Variants in BABAM2 observed in about 807,000 individuals in gnomAD.
The protein encoded by BABAM2 is BRISC and BRCA1 A complex member 2.
BABAM2 carries 31 observed loss-of-function variants against 54.7 expected under a neutral mutation model. That is an observed-to-expected ratio of 0.57 (90% CI 0.43 to 0.77). BABAM2 has a LOEUF of 0.77. Ranked by LOEUF, BABAM2 falls within the 30% of genes least tolerant of loss-of-function variation. The pLI is 0.00. For missense variants in BABAM2, 364 were observed against 455.8 expected, an observed-to-expected ratio of 0.80 and a Z score of 1.83; for synonymous variants, 167 against 162.9, an observed-to-expected ratio of 1.03 and a Z score of -0.19.
At chr2:28,159,902 C>T (rs1229960735) in intron 7 of BABAM2, among the ~76,000 whole-genome samples, 1 of 151,738 alleles carries the variant, frequency 6.6e-6, no homozygotes, top group Non-Finnish European at 1.5e-5. Context: ...AAAAAATTGC[C>T]AGAATTTAGT....
intron 2 of BABAM2, among the ~76,000 whole-genome samples, chr2:27,912,526 G>A (rs78420783): frequency 0.012 from 1,768 of 152,234 alleles, 41 homozygotes; most frequent in African/African-American, 0.04. Flanking sequence ...GTCAGAAAAG[G>A]ATTCTGAGAA....
intron 6 of BABAM2, among the ~76,000 whole-genome samples, chr2:28,114,359 T>G (rs1287779935): frequency 2.0e-5 from 3 of 152,296 alleles, no homozygotes; most frequent in Non-Finnish European, 4.4e-5. Context: ...ATCTCTTTTC[T>G]TTTAAAAGCA....
At chr2:27,975,420 G>C (rs570036887) in intron 3 of BABAM2, among the ~76,000 whole-genome samples, 53 of 152,138 alleles carry the variant, frequency 3.5e-4, no homozygotes, top group African/African-American at 1.3e-3. Context: ...TCCAATAATA[G>C]ATCCATATAA....
rs1357416261 is a variant in BABAM2 at position 28,026,836 on chromosome 2, A to G, written c.495+1416A>G. Among the ~76,000 whole-genome samples the G allele has an allele frequency of 8.3e-5, 5 of 60,520 alleles. 1 individual carries two copies. Among genetic ancestry groups the G allele is most frequent in the African/African-American group, 1.9e-4 (3 of 15,934 alleles). The allele number at this position is 60,520 out of a possible 152,430, so 39.7% of individuals were successfully genotyped here. A position where few individuals can be genotyped will look rare whatever the true frequency, so the allele number is the denominator to read the frequency against. On this transcript the variant is annotated intron_variant, in intron 5 of 11. Coordinates refer to ENST00000379624, the MANE Select transcript of BABAM2 (RefSeq NM_199191.3). ...TAAATATATATTTATATATATAAAT[A>G]TATATAAATATATATTTATATATAT...
intron 3 of BABAM2, among the ~76,000 whole-genome samples, chr2:27,960,698 A>G (rs1391453690): frequency 1.3e-5 from 2 of 152,190 alleles, no homozygotes; most frequent in East Asian, 1.9e-4. Flanking sequence ...TGCTTTACAT[A>G]TAAGACAGGA....
At chr2:28,190,240 T>C (rs1676755375) in intron 7 of BABAM2, among the ~76,000 whole-genome samples, 1 of 152,194 alleles carries the variant, frequency 6.6e-6, no homozygotes. Context: ...TTGAGTAGCT[T>C]ATAAAAAACA....
intron 11 of BABAM2, among the ~76,000 whole-genome samples, chr2:28,334,113 G>A (rs1691201609): frequency 6.6e-6 from 1 of 152,180 alleles, no homozygotes; most frequent in Non-Finnish European, 1.5e-5. Context: ...CCCTCGCCAC[G>A]CTTCCCCTTG....
chr2:28,041,100 A>G (rs1392977391), intron 5 of BABAM2, among the ~76,000 whole-genome samples: 1 of 152,240 alleles, frequency 6.6e-6, no homozygotes, highest in Admixed American at 6.5e-5. Flanking sequence ...CTAAATATGT[A>G]ATTATCTTTC....
At chr2:28,027,792 C>T (rs1416320946) in intron 5 of BABAM2, among the ~76,000 whole-genome samples, 2 of 152,114 alleles carry the variant, frequency 1.3e-5, no homozygotes, top group Non-Finnish European at 2.9e-5. Flanking sequence ...ATTGGTAATA[C>T]CCCTTTTAAA....
intron 10 of BABAM2, among the ~76,000 whole-genome samples, chr2:28,257,112 T>C (rs1684045088): frequency 6.6e-6 from 1 of 152,214 alleles, no homozygotes; most frequent in Admixed American, 6.5e-5. Context: ...ATTTGAGGTA[T>C]AATGACTTTT....
chr2:27,985,292 G>A (rs1329834062), intron 3 of BABAM2, among the ~76,000 whole-genome samples: 1 of 152,044 alleles, frequency 6.6e-6, no homozygotes, highest in African/African-American at 2.4e-5. Context: ...GTTCTTTAAG[G>A]AATCTCCACA....
intron 7 of BABAM2, among the ~76,000 whole-genome samples, chr2:28,194,352 C>G (rs183362944): frequency 6.6e-6 from 1 of 152,114 alleles, no homozygotes; most frequent in East Asian, 1.9e-4. Context: ...CTTGTGAAGC[C>G]GTGTTGGTGG....
At position 27,951,160 on chromosome 2, in the gene BABAM2, T is replaced by C. The variant is rs143961333; in HGVS notation, c.205+21252T>C. ...TGTTGTATTTCTGTTTTCTGTTTTATTGATTTCCATTCAGATTTTAAATAT... is the reference window on the plus strand; with the variant it reads ...TGTTGTATTTCTGTTTTCTGTTTTACTGATTTCCATTCAGATTTTAAATAT... On this transcript the variant is annotated intron_variant, in intron 3 of 11. Coordinates refer to ENST00000379624, the MANE Select transcript of BABAM2 (RefSeq NM_199191.3). Among the ~76,000 whole-genome samples the C allele has an allele frequency of 3.4e-3, 516 of 152,322 alleles. 3 individuals carry two copies. Among genetic ancestry groups the C allele is most frequent in the Non-Finnish European group, 5.9e-3 (401 of 68,014 alleles).
At chr2:27,989,565 T>G (rs1036189244) in intron 4 of BABAM2, among the ~76,000 whole-genome samples, 1 of 152,002 alleles carries the variant, frequency 6.6e-6, no homozygotes, top group Non-Finnish European at 1.5e-5. Context: ...GAAAGGTAAA[T>G]TGGGAGAAGA....
At chr2:28,222,005 A>G (rs1680463633) in intron 7 of BABAM2, among the ~76,000 whole-genome samples, 1 of 152,198 alleles carries the variant, frequency 6.6e-6, no homozygotes, top group Non-Finnish European at 1.5e-5. Flanking sequence ...TTAGCCCCAG[A>G]CTGTATTGAG....
intron 6 of BABAM2, among the ~76,000 whole-genome samples, chr2:28,122,446 G>A (rs1669158796): frequency 1.3e-5 from 2 of 152,050 alleles, no homozygotes; most frequent in Admixed American, 1.3e-4. Context: ...CTTGATTTTC[G>A]ACATACTATG....
intron 10 of BABAM2, among the ~76,000 whole-genome samples, chr2:28,265,898 C>T (rs1403227815): frequency 6.6e-6 from 1 of 152,098 alleles, no homozygotes; most frequent in Non-Finnish European, 1.5e-5. Flanking sequence ...CTGGCTTGTT[C>T]TTCTCGTCAC....
chr2:28,261,992 A>G (rs1173144437), intron 10 of BABAM2, among the ~76,000 whole-genome samples: 1 of 152,220 alleles, frequency 6.6e-6, no homozygotes, highest in Non-Finnish European at 1.5e-5. Context: ...TGAAAATAAC[A>G]AAGAAATATT....
At chr2:28,276,985 G>T (rs1189045198) in intron 10 of BABAM2, among the ~76,000 whole-genome samples, 3 of 152,162 alleles carry the variant, frequency 2.0e-5, no homozygotes, top group South Asian at 2.1e-4. Context: ...GTTCTGAGGC[G>T]CAGGGCTCTG....
Sources: gnomAD v4.1 joint callset for allele counts (sites outside exome capture counted in the v4.1 genomes callset) on GRCh38, gnomAD v4.1.1 for gene constraint, MANE v1.5 for transcripts, NCBI Gene and HGNC (gene_info 2026-07-23, HGNC 2026-07-21) for gene names.